The following PTPN18 variants were observed in gnomAD, a reference collection of about 807,000 sequenced individuals.
PTPN18 encodes the protein tyrosine-protein phosphatase non-receptor type 18.
PTPN18 carries 65 observed loss-of-function variants against 65.4 expected under a neutral mutation model. The ratio of observed to expected loss-of-function variants is 0.99; its 90% CI spans 0.81 to 1.22. The LOEUF (loss-of-function observed/expected upper bound fraction) is 1.22. Among genes scored for constraint, PTPN18 ranks in the 50% most tolerant of loss-of-function variants. The probability of loss-of-function intolerance (pLI) is 0.00; values close to 1 mark genes in which losing one functional copy is unlikely to be tolerated. For synonymous variants in PTPN18, 255 were observed against 267.8 expected, an observed-to-expected ratio of 0.95 and a Z score of 0.47; for missense variants, 616 against 646.5, an observed-to-expected ratio of 0.95 and a Z score of 0.51.
chr2:130,373,075 G>T lies in PTPN18; in HGVS notation c.1316-82G>T. ...CAGTGAACCAGGAGGACCTGGAGGC[G>T]GGGGGATGGCCTTCTTCATGTCTGC... On this transcript the variant is annotated intron_variant, in intron 14 of 14. Coordinates refer to ENST00000175756, the MANE Select transcript of PTPN18 (RefSeq NM_014369.4). This position sits in a 1 kb window ranked among gnomAD's most constrained non-coding sequence, Gnocchi z 4.1. 2 of 1,536,818 alleles carry T rather than the reference G, an allele frequency of 1.3e-6. No homozygotes were observed. The highest frequency in any genetic ancestry group is 2.4e-5 in the South Asian group (2 of 84,372).
rs570310886 is a variant in PTPN18 at position 130,372,677 on chromosome 2, A to G, written c.1240+194A>G. 187 of 964,142 alleles carry G rather than the reference A, an allele frequency of 1.9e-4. No homozygotes were observed. The African/African-American group carries it at 2.5e-3, about 13-fold the overall frequency. 59.7% of individuals were successfully genotyped at this position (964,142 alleles called of 1,614,324 possible). On this transcript the variant is annotated intron_variant, in intron 13 of 14. Transcript: ENST00000175756. The stretch of plus-strand genomic sequence containing the variant: ...CCCCTGGCGGTCGCAGTCGCGGTCC[A>G]GGGGCAGGGTTCCTGGCAATACTTG...
Position 130,373,006 on chromosome 2 carries a change from CTG to C in PTPN18, c.1315+60_1315+61del. 6.2e-7 allele frequency: 1 copy of C among 1,602,868 alleles called. No individual in the cohort carries two copies. The highest frequency in any genetic ancestry group is 8.5e-7 in the Non-Finnish European group (1 of 1,170,180). ...TGCTGCTTTGAGTGAACCCAGGAGT[CTG>C]GGGTTGATGGGGCATGGAGCTTAGT... On this transcript the variant is annotated intron_variant, in intron 14 of 14. Transcript: ENST00000175756. This position sits in a 1 kb window ranked among gnomAD's most constrained non-coding sequence, Gnocchi z 4.1.
chr2:130,372,591 G>A, intron 13 of PTPN18, 108 bp downstream of exon 13: 1 of 1,297,762 alleles, frequency 7.7e-7, no homozygotes, highest in Non-Finnish European at 1.0e-6. Context: ...GACCCCAGCC[G>A]CTAGCCTGGC....
chr2:130,366,060 T>G lies in PTPN18; in HGVS notation c.415-3073T>G, dbSNP rs145691213. 2.9e-3 allele frequency among the ~76,000 whole-genome samples: 437 copies of G among 152,344 alleles called. 3 individuals carry two copies. Among genetic ancestry groups the G allele is most frequent in the African/African-American group, 9.9e-3 (413 of 41,578 alleles). On this transcript the variant is annotated intron_variant, in intron 5 of 14. Transcript: ENST00000175756. ...TTTTGGCTATTTTGGGTAGGTCCCC[T>G]GCTGTGCAGAAGAGTTAAACATGGC...
intron 5 of PTPN18, among the ~76,000 whole-genome samples, chr2:130,364,761 A>C (rs1166700968): frequency 1.3e-5 from 2 of 152,184 alleles, no homozygotes; most frequent in African/African-American, 4.8e-5. Flanking sequence ...GCACCACCGC[A>C]CTCCAGCCTG....
At position 130,371,245 on chromosome 2, in the gene PTPN18, AG is replaced by A; in HGVS notation, c.973del (p.Ala325HisfsTer68). 6.2e-7 allele frequency: 1 copy of A among 1,610,632 alleles called. No individual in the cohort carries two copies. Among genetic ancestry groups the A allele is most frequent in the Non-Finnish European group, 8.5e-7 (1 of 1,178,942 alleles). On this transcript the variant is annotated frameshift_variant, in exon 12 of 15. Transcript: ENST00000175756. LOFTEE classifies it high-confidence loss of function. Reference protein sequence around the residue: ...YDDALFLRTPQALLAIPRPPG... With the variant: ...YDDALFLRTPXALLAIPRPPG... ...GATGCCCTCTTCCTCCGGACTCCCC[AG>A]GCACTTCTCGCCATACCCCGCCCAC...
rs1310920956 is a variant in PTPN18 at position 130,359,450 on chromosome 2, C to T, written c.333C>T (p.Thr111=). 2 of 1,614,172 alleles carry T rather than the reference C, an allele frequency of 1.2e-6. No homozygotes were observed. Among genetic ancestry groups the T allele is most frequent in the Admixed American group, 1.7e-5 (1 of 60,022 alleles). The change falls in exon 4 of 15, where the codon ACC becomes ACT. Residue 111 remains threonine (T), a synonymous_variant. Coordinates refer to ENST00000175756, the MANE Select transcript of PTPN18 (RefSeq NM_014369.4). ...YIATQGPLPH[T]LLDFWRLVWE... is the part of the protein sequence containing the mutation. ...CCACGCAAGGACCCTTGCCTCACAC[C>T]CTGCTAGACTTCTGGAGACTGGTCT...
intron 1 of PTPN18, among the ~76,000 whole-genome samples, chr2:130,358,647 G>T (rs570118286): frequency 5.7e-4 from 86 of 152,132 alleles, no homozygotes; most frequent in Non-Finnish European, 1.0e-3. Context: ...AACCTGTGAT[G>T]ATTACATGCC....
At position 130,370,481 on chromosome 2, in the gene PTPN18, C is replaced by A. The variant is rs908409868; in HGVS notation, c.690-76C>A. ...TGCAGGGGATCCATCAGGACCCTCA[C>A]CCCCATCCCCAAATGCCCCATCTAA... is the stretch of plus-strand genomic sequence containing the variant. On this transcript the variant is annotated intron_variant, in intron 8 of 14. Transcript: ENST00000175756. The A allele has an allele frequency of 7.8e-6, 12 of 1,537,014 alleles. No homozygotes were observed. In the Admixed American group the frequency reaches 1.3e-4, roughly 17 times the overall value.
chr2:130,372,663 C>G (rs2104956090), intron 13 of PTPN18, 180 bp downstream of exon 13: 1 of 1,000,940 alleles, frequency 1.0e-6, no homozygotes, highest in African/African-American at 1.6e-5. Context: ...CCCTGGCGGT[C>G]GCAGTCGCGG....
chr2:130,359,351 CA>C (rs757201081), intron 3 of PTPN18, 42 bp downstream of exon 3: 12 of 1,614,020 alleles, frequency 7.4e-6, no homozygotes, highest in Non-Finnish European at 3.4e-6. Context: ...TGGGAGTGGC[CA>C]GGGGTGGGCC....
Position 130,371,259 on chromosome 2 carries a change from A to G in PTPN18, c.985A>G (p.Ile329Val). The G allele has an allele frequency of 6.2e-7, 1 of 1,608,280 alleles. No homozygotes were observed. The stretch of plus-strand genomic sequence containing the variant: ...CCGGACTCCCCAGGCACTTCTCGCC[A>G]TACCCCGCCCACCAGGAGGGGTCCT... ...FLRTPQALLA[I>V]PRPPGGVLRS... The change falls in exon 12 of 15, where the codon ATA becomes GTA. Residue 329 changes from isoleucine to valine, a missense_variant. Ile to Val is a conservative substitution (Grantham distance 29, BLOSUM62 3). Transcript: ENST00000175756.
chr2:130,373,094 T>C lies in PTPN18; in HGVS notation c.1316-63T>C. 6.4e-7 allele frequency: 1 copy of C among 1,550,770 alleles called. No individual in the cohort carries two copies. The highest frequency in any genetic ancestry group is 8.8e-7 in the Non-Finnish European group (1 of 1,139,968). On this transcript the variant is annotated intron_variant, in intron 14 of 14. Coordinates refer to ENST00000175756, the MANE Select transcript of PTPN18 (RefSeq NM_014369.4). The surrounding 1 kb of genome is among the most constrained non-coding windows in gnomAD (Gnocchi z 4.1). The stretch of plus-strand genomic sequence containing the variant: ...GGAGGCGGGGGGATGGCCTTCTTCA[T>C]GTCTGCCAGCTTCCACACACCTCAG...
Position 130,358,932 on chromosome 2 carries a change from G to A in PTPN18, c.159G>A (p.Arg53=), listed in dbSNP as rs779538948. The change falls in exon 2 of 15, where the codon CGG becomes CGA. Residue 53 remains arginine, a synonymous_variant. Coordinates refer to ENST00000175756, the MANE Select transcript of PTPN18 (RefSeq NM_014369.4). The stretch of plus-strand genomic sequence containing the variant: ...TGTGCTCCACCGTGGCCGGCAGTCG[G>A]CCAGAGAACGTGAGGAAGAACCGCT... ...DGVCSTVAGS[R]PENVRKNRYK... is the part of the protein sequence containing the mutation. 15 of 1,614,070 alleles carry A rather than the reference G, an allele frequency of 9.3e-6. No individual in the cohort carries two copies. In the Admixed American group the frequency reaches 2.0e-4, roughly 22 times the overall value.
rs112040677 is a variant in PTPN18 at position 130,372,355 on chromosome 2, A to AGACGGGGACGGG, written c.1126_1137dup (p.Thr376_Gly379dup). On this transcript the variant is annotated inframe_insertion, in exon 13 of 15. Transcript: ENST00000175756. ...CCAGCGGGCGCCGGGAGTGGGACGC[A>AGACGGGGACGGG]GACGGGGACGGGGACGGGGACGGGG... is the stretch of plus-strand genomic sequence containing the variant. The AGACGGGGACGGG allele has an allele frequency of 6.5e-6, 9 of 1,374,494 alleles. No homozygotes were observed. The highest frequency in any genetic ancestry group is 2.7e-4 in the Middle Eastern group (1 of 3,728). The allele number at this position is 1,374,494 out of a possible 1,614,324, so 85.1% of individuals were successfully genotyped here.
chr2:130,367,547 G>A (rs1680425185), intron 5 of PTPN18, among the ~76,000 whole-genome samples: 1 of 152,076 alleles, frequency 6.6e-6, no homozygotes, highest in East Asian at 1.9e-4. Flanking sequence ...GGTGGTGTGT[G>A]TCTGTAATCC....
At chr2:130,359,191 A>C (rs1342548055) in intron 2 of PTPN18, 42 bp from the exon 3 acceptor site, 2 of 1,610,226 alleles carry the variant, frequency 1.2e-6, no homozygotes, top group Non-Finnish European at 1.7e-6. Context: ...CCGTCACCCT[A>C]TCCTACCCAA....
chr2:130,361,636 G>A (rs1346860580), intron 5 of PTPN18, among the ~76,000 whole-genome samples: 1 of 150,364 alleles, frequency 6.7e-6, no homozygotes, highest in Non-Finnish European at 1.5e-5. Flanking sequence ...CACCCAGGCT[G>A]GAGTTCAATG....
intron 12 of PTPN18, chr2:130,372,036 C>A: frequency 1.9e-6 from 1 of 520,392 alleles, no homozygotes. Flanking sequence ...ACACTCTGCC[C>A]CAAATTACCC....
Sources: gnomAD v4.1 joint callset for allele counts (sites outside exome capture counted in the v4.1 genomes callset) on GRCh38, gnomAD v4.1.1 for gene constraint, Gnocchi (gnomAD v3.1) non-coding constraint, MANE v1.5 for transcripts, NCBI Gene and HGNC (gene_info 2026-07-23, HGNC 2026-07-21) for gene names.